Variants in RNLS observed in about 807,000 individuals in gnomAD.
RNLS encodes renalase.
RNLS carries 39 observed loss-of-function variants against 39.8 expected under a neutral mutation model. That is an observed-to-expected ratio of 0.98 (90% confidence interval 0.76 to 1.28). The LOEUF (loss-of-function observed/expected upper bound fraction) is 1.28. RNLS is among the 50% of genes most tolerant of loss of function. The probability of loss-of-function intolerance (pLI) is 0.00; values close to 1 mark genes in which losing one functional copy is unlikely to be tolerated. For missense variants in RNLS, 410 were observed against 413.3 expected, an observed-to-expected ratio of 0.99 and a Z score of 0.07; for synonymous variants, 147 against 150.7, an observed-to-expected ratio of 0.98 and a Z score of 0.18.
chr10:88,323,289 A>C (rs1171284651), intron 5 of RNLS, among the ~76,000 whole-genome samples: 1 of 152,024 alleles, frequency 6.6e-6, no homozygotes, highest in Non-Finnish European at 1.5e-5. Flanking sequence ...AACAATTCTA[A>C]TTAGCCAAAG....
chr10:88,487,139 G>T (rs2134046256), intron 4 of RNLS, among the ~76,000 whole-genome samples: 1 of 152,200 alleles, frequency 6.6e-6, no homozygotes, highest in South Asian at 2.1e-4. Flanking sequence ...ATTTATAAGT[G>T]GGAGCTAAAT....
chr10:88,186,348 C>T, the RNLS span, among the ~76,000 whole-genome samples: 13 of 152,300 alleles, frequency 8.5e-5, no homozygotes, highest in East Asian at 2.5e-3. Context: ...GTTAACATCT[C>T]CCATAAATGA....
intron 4 of RNLS, among the ~76,000 whole-genome samples, chr10:88,534,861 C>G (rs1847648530): frequency 6.6e-6 from 1 of 152,024 alleles, no homozygotes; most frequent in South Asian, 2.1e-4. Context: ...CACTAACAGA[C>G]AGTCAGGTAT....
chr10:88,540,259 A>G (rs1847970689), intron 4 of RNLS, among the ~76,000 whole-genome samples: 1 of 152,178 alleles, frequency 6.6e-6, no homozygotes, highest in South Asian at 2.1e-4. Flanking sequence ...TTCAGCTGTA[A>G]AAAAGTAAAA....
chr10:88,274,883 A>C (rs1842754591), exon 7 of RNLS: 2 of 1,040,410 alleles, frequency 1.9e-6, no homozygotes, highest in Non-Finnish European at 3.0e-6. Flanking sequence ...AATAATAGCT[A>C]TCCTAAAGGC....
intron 4 of RNLS, among the ~76,000 whole-genome samples, chr10:88,518,846 TG>T (rs1846547164): frequency 2.0e-5 from 3 of 151,992 alleles, no homozygotes; most frequent in Admixed American, 6.6e-5. Context: ...ATTAGACAGC[TG>T]GGAAACTGAT....
chr10:88,338,129 A>G (rs1268107605), intron 5 of RNLS, among the ~76,000 whole-genome samples: 1 of 152,204 alleles, frequency 6.6e-6, no homozygotes, highest in Non-Finnish European at 1.5e-5. Flanking sequence ...GGCAGTGATG[A>G]TTTGAGAAGA....
intron 4 of RNLS, among the ~76,000 whole-genome samples, chr10:88,532,514 T>C (rs552371157): frequency 6.6e-6 from 1 of 152,182 alleles, no homozygotes; most frequent in South Asian, 2.1e-4. Flanking sequence ...CAATAGAATT[T>C]AGCAAACACT....
At chr10:88,518,972 T>G (rs1226229424) in intron 4 of RNLS, among the ~76,000 whole-genome samples, 1 of 152,050 alleles carries the variant, frequency 6.6e-6, no homozygotes, top group African/African-American at 2.4e-5. Flanking sequence ...CTTTAGCTTT[T>G]AGTTTCATAA....
At chr10:88,330,070 G>T (rs972649571) in intron 5 of RNLS, among the ~76,000 whole-genome samples, 3 of 140,546 alleles carry the variant, frequency 2.1e-5, no homozygotes, top group Admixed American at 7.1e-5. Flanking sequence ...TCTGTTTTGA[G>T]ATATATATAT....
intron 4 of RNLS, among the ~76,000 whole-genome samples, chr10:88,556,472 T>A (rs1848883257): frequency 6.6e-6 from 1 of 152,138 alleles, no homozygotes; most frequent in Admixed American, 6.6e-5. Context: ...AAATTCATAA[T>A]CCCTAAATCT....
At chr10:88,500,285 G>T (rs538907412) in intron 4 of RNLS, among the ~76,000 whole-genome samples, 3 of 152,124 alleles carry the variant, frequency 2.0e-5, no homozygotes, top group Non-Finnish European at 4.4e-5. Flanking sequence ...TCCACAGGAG[G>T]TATTCAGGAG....
At chr10:88,553,716 C>T (rs1253501148) in intron 4 of RNLS, among the ~76,000 whole-genome samples, 1 of 152,066 alleles carries the variant, frequency 6.6e-6, no homozygotes, top group Non-Finnish European at 1.5e-5. Context: ...TTTATTAATG[C>T]TAATTCTACA....
chr10:88,265,725 T>C, the RNLS span, among the ~76,000 whole-genome samples: 1 of 152,212 alleles, frequency 6.6e-6, no homozygotes, highest in Non-Finnish European at 1.5e-5. Flanking sequence ...TTGCTGAATG[T>C]ATTTATCAGT....
chr10:88,462,980 G>A (rs1843011960), intron 4 of RNLS, among the ~76,000 whole-genome samples: 1 of 151,994 alleles, frequency 6.6e-6, no homozygotes, highest in Admixed American at 6.6e-5. Flanking sequence ...GATAGTAAAT[G>A]ATTAAAGTAA....
chr10:88,495,139 A>T (rs1845093652), intron 4 of RNLS, among the ~76,000 whole-genome samples: 1 of 152,166 alleles, frequency 6.6e-6, no homozygotes, highest in Non-Finnish European at 1.5e-5. Context: ...TAGATATGTT[A>T]AACATCCCAC....
rs150190943 is a variant in RNLS at position 88,473,747 on chromosome 10, A to G, written c.526+99156T>C. On this transcript the variant is annotated intron_variant, in intron 4 of 6. Transcript: ENST00000331772. Reference sequence around the variant, plus strand: ...AATGTTTATAAAGGAGATTTTTTAAAAATGAAGTTTCAGAGGAAGGAAACA... The same window carrying G: ...AATGTTTATAAAGGAGATTTTTTAAGAATGAAGTTTCAGAGGAAGGAAACA... 3.5e-3 allele frequency among the ~76,000 whole-genome samples: 532 copies of G among 152,320 alleles called. 4 individuals are homozygous for G. Among genetic ancestry groups the G allele is most frequent in the Non-Finnish European group, 5.9e-3 (404 of 68,026 alleles).
the RNLS span, among the ~76,000 whole-genome samples, chr10:88,224,493 G>T: frequency 9.1e-4 from 138 of 152,312 alleles, no homozygotes; most frequent in African/African-American, 3.1e-3. Flanking sequence ...ATATCTGATG[G>T]GACTTCTTTG....
the RNLS span, among the ~76,000 whole-genome samples, chr10:88,243,529 C>T: frequency 1.3e-5 from 2 of 152,316 alleles, no homozygotes; most frequent in African/African-American, 4.8e-5. Context: ...TCCTATTCCT[C>T]CTTTCTGTCT....
Sources: gnomAD v4.1 joint callset for allele counts (sites outside exome capture counted in the v4.1 genomes callset) on GRCh38, gnomAD v4.1.1 for gene constraint, MANE v1.5 for transcripts, NCBI Gene and HGNC (gene_info 2026-07-23, HGNC 2026-07-21) for gene names.